NTAQ1: variants seen among roughly 807,000 people sequenced by gnomAD.
The protein encoded by NTAQ1 is protein N-terminal glutamine amidohydrolase.
NTAQ1 carries 21 observed loss-of-function variants against 28.2 expected under a neutral mutation model. The observed-to-expected ratio is 0.74, with a 90% CI of 0.53 to 1.07. NTAQ1 has a LOEUF of 1.07. NTAQ1 is among the 50% of genes least tolerant of loss of function. The pLI, the probability that NTAQ1 is intolerant of heterozygous loss-of-function variation, is 0.00. For synonymous variants in NTAQ1, 105 were observed against 90.0 expected (o/e 1.17, Z -0.94); for missense variants, 264 against 256.6 (o/e 1.03, Z -0.20).
At chr8:123,427,704 G>A (rs1406259238) in intron 1 of NTAQ1, among the ~76,000 whole-genome samples, 3 of 152,200 alleles carry the variant, frequency 2.0e-5, no homozygotes, top group Non-Finnish European at 2.9e-5. Flanking sequence ...ACTGCTAGGG[G>A]AGGTAATTAG....
At chr8:123,465,265 G>A (rs545535950) in intron 6 of NTAQ1, among the ~76,000 whole-genome samples, 1 of 152,166 alleles carries the variant, frequency 6.6e-6, no homozygotes, top group South Asian at 2.1e-4. Flanking sequence ...CTAAACTATA[G>A]ACCTTGATTT....
Position 123,428,089 on chromosome 8 carries a change from A to AG in NTAQ1, c.183+66_183+67insG, listed in dbSNP as rs1814174008. The AG allele has an allele frequency of 3.3e-5, 37 of 1,127,730 alleles. No individual in the cohort carries two copies. In the Admixed American group the frequency reaches 1.1e-3, roughly 34 times the overall value. The allele number at this position is 1,127,730 out of a possible 1,614,324, so 69.9% of individuals were successfully genotyped here. On this transcript the variant is annotated intron_variant, in intron 2 of 5. Transcript: ENST00000287387. The stretch of plus-strand genomic sequence containing the variant: ...AGGATGACATTAGAAGCTAAATTAA[A>AG]AAAAAAAAAGCTAAATATAGCATGG...
At chr8:123,443,369 C>T (rs867352084), downstream of NTAQ1, among the ~76,000 whole-genome samples, 66 of 152,312 alleles carry the variant, frequency 4.3e-4, 1 homozygote, top group Middle Eastern at 3.4e-3. Flanking sequence ...CCAGACTGCC[C>T]GGAGCTGCTC....
At chr8:123,463,176 A>G (rs931917073) in intron 6 of NTAQ1, among the ~76,000 whole-genome samples, 17 of 152,230 alleles carry the variant, frequency 1.1e-4, no homozygotes, top group Middle Eastern at 3.2e-3. Context: ...GACTTCACCT[A>G]TAAATACTTC....
chr8:123,421,493 A>G (rs1233475199), intron 1 of NTAQ1, among the ~76,000 whole-genome samples: 3 of 148,036 alleles, frequency 2.0e-5, no homozygotes, highest in South Asian at 4.2e-4. Context: ...CTTATTGGCC[A>G]TGTGCATGTC....
chr8:123,456,856 C>T (rs1053454378), intron 6 of NTAQ1, among the ~76,000 whole-genome samples: 1 of 152,208 alleles, frequency 6.6e-6, no homozygotes, highest in Admixed American at 6.5e-5. Flanking sequence ...TCCCCTTTGA[C>T]TTAGGAATTC....
chr8:123,472,300 T>C (rs1228359020), downstream of NTAQ1, among the ~76,000 whole-genome samples: 3 of 152,244 alleles, frequency 2.0e-5, no homozygotes, highest in Admixed American at 2.0e-4. Flanking sequence ...AATTGCCCTC[T>C]GCTGGTCACT....
chr8:123,441,159 C>T (rs772813477), intron 5 of NTAQ1, 147 bp from the exon 6 acceptor site: 1 of 622,524 alleles, frequency 1.6e-6, no homozygotes, highest in Admixed American at 2.9e-5. Context: ...TGAAGTTATA[C>T]ATTCAAGGCC....
At chr8:123,440,502 CTTTT>C (rs554416057) in intron 5 of NTAQ1, among the ~76,000 whole-genome samples, 1 of 123,900 alleles carries the variant, frequency 8.1e-6, no homozygotes, top group Admixed American at 8.3e-5. Flanking sequence ...TTCCTTTCTT[CTTTT>C]TTTTTTTTTT....
At chr8:123,469,397 C>CTA in exon 7 of NTAQ1, among the ~76,000 whole-genome samples, 1 of 152,300 alleles carries the variant, frequency 6.6e-6, no homozygotes, top group South Asian at 2.1e-4. Context: ...AGACAAGAGA[C>CTA]TAGGCTGGTT....
chr8:123,452,162 A>G (rs1815516701), downstream of NTAQ1, among the ~76,000 whole-genome samples: 1 of 152,244 alleles, frequency 6.6e-6, no homozygotes, highest in South Asian at 2.1e-4. Context: ...CTCACAGTAT[A>G]CTTTTCCCCT....
chr8:123,453,425 C>CTTTT (rs33984349), intron 6 of NTAQ1, among the ~76,000 whole-genome samples: 10 of 144,900 alleles, frequency 6.9e-5, no homozygotes, highest in Non-Finnish European at 1.5e-4. Flanking sequence ...TGTTTTGTTG[C>CTTTT]TTTTTTTTTT....
At chr8:123,456,546 G>T (rs986811625) in intron 6 of NTAQ1, among the ~76,000 whole-genome samples, 2 of 152,128 alleles carry the variant, frequency 1.3e-5, no homozygotes, top group Non-Finnish European at 2.9e-5. Flanking sequence ...ATCCTTACAG[G>T]AATTACACCA....
exon 7 of NTAQ1, among the ~76,000 whole-genome samples, chr8:123,468,954 G>A (rs1238922749): frequency 2.6e-5 from 4 of 152,112 alleles, no homozygotes; most frequent in African/African-American, 9.7e-5. Context: ...GTTTTCAGTT[G>A]CATTTTTCTG....
At chr8:123,462,212 A>AT (rs1260057848) in intron 6 of NTAQ1, among the ~76,000 whole-genome samples, 2 of 151,758 alleles carry the variant, frequency 1.3e-5, no homozygotes, top group Non-Finnish European at 2.9e-5. Context: ...CGCCTGGCTA[A>AT]TTTTTTTGTA....
chr8:123,446,953 C>G (rs1815315395), downstream of NTAQ1, among the ~76,000 whole-genome samples: 1 of 152,180 alleles, frequency 6.6e-6, no homozygotes, highest in Non-Finnish European at 1.5e-5. Flanking sequence ...ACGTCCTGAT[C>G]TCTCCATGCT....
At chr8:123,454,521 C>G (rs1217290597) in intron 6 of NTAQ1, among the ~76,000 whole-genome samples, 3 of 152,148 alleles carry the variant, frequency 2.0e-5, no homozygotes, top group Non-Finnish European at 4.4e-5. Context: ...GCATGCGCCA[C>G]TATGCCTGGC....
At chr8:123,467,416 G>A (rs564708186) in exon 7 of NTAQ1, among the ~76,000 whole-genome samples, 138 of 152,298 alleles carry the variant, frequency 9.1e-4, no homozygotes, top group African/African-American at 2.9e-3. Context: ...ATATTCAATG[G>A]CATGAGATAG....
chr8:123,432,071 C>G (rs1238111859), intron 3 of NTAQ1, among the ~76,000 whole-genome samples: 15 of 152,156 alleles, frequency 9.9e-5, no homozygotes, highest in Admixed American at 9.8e-4. Context: ...GCAGGTTTTG[C>G]TTTGCCTCGC....
Sources: gnomAD v4.1 joint callset for allele counts (sites outside exome capture counted in the v4.1 genomes callset) on GRCh38, gnomAD v4.1.1 for gene constraint, MANE v1.5 for transcripts, NCBI Gene and HGNC (gene_info 2026-07-23, HGNC 2026-07-21) for gene names.